DOCK4: variants seen among roughly 807,000 people sequenced by gnomAD.
The protein encoded by DOCK4 is dedicator of cytokinesis protein 4.
DOCK4 carries 97 observed loss-of-function variants against 268.1 expected under a neutral mutation model. That is an observed-to-expected ratio of 0.36 (90% CI 0.31 to 0.43). The LOEUF is 0.43. DOCK4 is among the 20% of genes least tolerant of loss of function. The pLI, the probability that DOCK4 is intolerant of heterozygous loss-of-function variation, is 1.00. For synonymous variants in DOCK4, 954 were observed against 887.2 expected, an observed-to-expected ratio of 1.08 and a Z score of -1.34; for missense variants, 2,145 against 2,455.7, an observed-to-expected ratio of 0.87 and a Z score of 2.67.
At chr7:111,969,430 T>C (rs73717921) in intron 8 of DOCK4, among the ~76,000 whole-genome samples, 39,287 of 145,834 alleles carry the variant, frequency 0.27, 6,633 homozygotes, top group African/African-American at 0.49. Context: ...TCATTTTTTC[T>C]ATTAAAAAAA....
Position 111,808,877 on chromosome 7 carries a change from T to C in DOCK4, c.3110A>G (p.Tyr1037Cys). ...ACCCATTGTTACCCGCATGTCACCA[T>C]ACCTGAAATAGAACAAAAAACCAAA... ...PSKKKKVLEK[Y>C]GDMRVTMGCE... Residue 1037 changes from tyrosine to cysteine, a missense_variant and splice_region_variant, in exon 30 of 53, where the codon TAT becomes TGT. Physicochemically the swap from Tyr to Cys is radical, Grantham distance 194 (BLOSUM62 -2). This residue lies in a region of DOCK4 where 1,598 missense variants were observed against 1,986.7 expected (regional missense o/e 0.80). Coordinates refer to ENST00000428084, the MANE Select transcript of DOCK4 (RefSeq NM_001363540.2). 6.2e-7 allele frequency: 1 copy of C among 1,612,862 alleles called. No individual in the cohort carries two copies. Among genetic ancestry groups the C allele is most frequent in the Non-Finnish European group, 8.5e-7 (1 of 1,179,466 alleles).
At chr7:111,961,533 C>T (rs6975653) in intron 8 of DOCK4, among the ~76,000 whole-genome samples, 43,616 of 152,114 alleles carry the variant, frequency 0.29, 7,738 homozygotes, top group African/African-American at 0.51. Context: ...TTAGAATTTC[C>T]AGGAAGGTGG....
chr7:111,758,019 C>T (rs1585892964), intron 41 of DOCK4, among the ~76,000 whole-genome samples: 1 of 152,008 alleles, frequency 6.6e-6, no homozygotes, highest in Non-Finnish European at 1.5e-5. Context: ...AGTAGGAAGG[C>T]GTGTTGGAAC....
chr7:111,935,646 CTCT>C lies in DOCK4; in HGVS notation c.978-21_978-19del. On this transcript the variant is annotated intron_variant, in intron 11 of 52. Coordinates refer to ENST00000428084, the MANE Select transcript of DOCK4 (RefSeq NM_001363540.2). ...TGTTACACCTATGAAAACATTAACA[CTCT>C]GTTAAGCTTTAATGATGCATGCAGT... The C allele has an allele frequency of 6.2e-7, 1 of 1,600,810 alleles. No individual in the cohort carries two copies. Among genetic ancestry groups the C allele is most frequent in the Non-Finnish European group, 8.6e-7 (1 of 1,168,368 alleles).
intron 1 of DOCK4, among the ~76,000 whole-genome samples, chr7:112,167,538 T>C (rs750148564): frequency 2.6e-4 from 40 of 152,334 alleles, no homozygotes; most frequent in Non-Finnish European, 5.1e-4. Flanking sequence ...CCTATTACTT[T>C]AAAATGCTCA....
Position 111,728,436 on chromosome 7 carries a change from G to A in DOCK4, c.5766C>T (p.Pro1922=), listed in dbSNP as rs568307094. 4 of 1,592,998 alleles carry A rather than the reference G, an allele frequency of 2.5e-6. No homozygotes were observed. Among genetic ancestry groups the A allele is most frequent in the African/African-American group, 1.3e-5 (1 of 74,722 alleles). The stretch of plus-strand genomic sequence containing the variant: ...TGGAGAGGCTGTGAGGTAGCGGGAC[G>A]GGGCGCCGCAGAGTCCGCTCGTAGA... The part of the protein sequence containing the change: ...YSVYERTLRR[P]VPLPHSLSIP... The change falls in exon 53 of 53, where the codon CCC becomes CCT. Residue 1922 remains proline (P), a synonymous_variant. Coordinates refer to ENST00000428084, the MANE Select transcript of DOCK4 (RefSeq NM_001363540.2).
intron 15 of DOCK4, among the ~76,000 whole-genome samples, chr7:111,898,080 C>A: frequency 6.6e-6 from 1 of 152,310 alleles, no homozygotes; most frequent in African/African-American, 2.4e-5. Context: ...AATCTATTAT[C>A]CCATACAGTA....
chr7:112,147,724 C>G (rs991684721), intron 1 of DOCK4, among the ~76,000 whole-genome samples: 2 of 148,690 alleles, frequency 1.3e-5, no homozygotes, highest in African/African-American at 4.9e-5. Flanking sequence ...GTACTGAATT[C>G]AAGTAATTGA....
At chr7:111,951,826 T>C (rs909298640) in intron 8 of DOCK4, among the ~76,000 whole-genome samples, 3 of 151,916 alleles carry the variant, frequency 2.0e-5, no homozygotes, top group Non-Finnish European at 1.5e-5. Context: ...ATCGCACCAC[T>C]GTACTCCAGT....
At chr7:111,930,333 G>C (rs1261347372) in intron 12 of DOCK4, among the ~76,000 whole-genome samples, 1 of 152,056 alleles carries the variant, frequency 6.6e-6, no homozygotes, top group East Asian at 1.9e-4. Flanking sequence ...TAGGTTAGAG[G>C]GGAAAAAAGC....
intron 28 of DOCK4, among the ~76,000 whole-genome samples, chr7:111,810,187 C>G (rs1297400635): frequency 6.6e-6 from 1 of 152,182 alleles, no homozygotes; most frequent in African/African-American, 2.4e-5. Context: ...GGTGCGGTGG[C>G]TCATGCCTGT....
intron 1 of DOCK4, among the ~76,000 whole-genome samples, chr7:112,196,647 G>A (rs1039385299): frequency 2.0e-5 from 3 of 152,148 alleles, no homozygotes; most frequent in Admixed American, 1.3e-4. Flanking sequence ...GTGACAGAGA[G>A]TGGGGAAGGG....
chr7:112,085,472 G>A (rs1000088117), intron 1 of DOCK4, among the ~76,000 whole-genome samples: 5 of 151,934 alleles, frequency 3.3e-5, no homozygotes, highest in Admixed American at 1.3e-4. Flanking sequence ...CATTACTGCC[G>A]GTTGCCAGGG....
chr7:111,994,369 TAA>T, intron 4 of DOCK4, 138 bp from the exon 5 acceptor site: 1 of 531,278 alleles, frequency 1.9e-6, no homozygotes, highest in Non-Finnish European at 3.3e-6. Context: ...GATCTGGTTA[TAA>T]GTTAATGTGA....
At chr7:112,176,879 A>T (rs1818574019) in intron 1 of DOCK4, among the ~76,000 whole-genome samples, 1 of 152,232 alleles carries the variant, frequency 6.6e-6, no homozygotes, top group Non-Finnish European at 1.5e-5. Context: ...TTTTAATGAC[A>T]TCATTGCACA....
chr7:111,727,900 A>G lies in DOCK4; in HGVS notation c.*374T>C, dbSNP rs1481862604. The G allele has an allele frequency of 5.9e-6, 1 of 169,626 alleles. No individual in the cohort carries two copies. The highest frequency in any genetic ancestry group is 1.2e-5 in the Non-Finnish European group (1 of 80,286). 10.5% of individuals were successfully genotyped at this position (169,626 alleles called of 1,614,324 possible). A position where few individuals can be genotyped will look rare whatever the true frequency, so the allele number is the denominator to read the frequency against. On this transcript the variant is annotated 3_prime_UTR_variant, in exon 53 of 53. Transcript: ENST00000428084. Reference sequence around the variant, plus strand: ...TGCACTGACTTAATAAGCTTTCTCCAAGTATCAAGTATTCAGTAAAAACGA... The same window carrying G: ...TGCACTGACTTAATAAGCTTTCTCCGAGTATCAAGTATTCAGTAAAAACGA...
Position 111,741,607 on chromosome 7 carries a change from G to A in DOCK4, c.4852C>T (p.Arg1618Cys), listed in dbSNP as rs770974755. The A allele has an allele frequency of 1.9e-6, 3 of 1,613,516 alleles. No homozygotes were observed. Among genetic ancestry groups the A allele is most frequent in the South Asian group, 1.1e-5 (1 of 90,954 alleles). The change falls in exon 46 of 53, where the codon CGT (arginine) becomes TGT (cysteine). Residue 1618 changes from arginine to cysteine, a missense_variant. Arg to Cys is a radical substitution (Grantham distance 180, BLOSUM62 -3). This residue lies in a region of DOCK4 where 547 missense variants were observed against 469.0 expected (regional missense o/e 1.17). Transcript: ENST00000428084. ...SPVHFPNGSP[R>C]VCRNSAPASV... ...GCAGGTGCTGAGTTTCTACACACAC[G>A]AGGGCTTCCATTAGGAAAATGGACA...
At chr7:111,752,008 G>A (rs1004726274) in intron 42 of DOCK4, among the ~76,000 whole-genome samples, 1 of 152,158 alleles carries the variant, frequency 6.6e-6, no homozygotes, top group Non-Finnish European at 1.5e-5. Flanking sequence ...TTGGTAAAGT[G>A]TGGAATGAAC....
chr7:112,134,217 AATAGC>A (rs1295227728), intron 1 of DOCK4, among the ~76,000 whole-genome samples: 3 of 152,160 alleles, frequency 2.0e-5, no homozygotes, highest in Non-Finnish European at 4.4e-5. Flanking sequence ...CTTTCACTAC[AATAGC>A]AACACTCTTC....
Sources: gnomAD v4.1 joint callset for allele counts (sites outside exome capture counted in the v4.1 genomes callset) on GRCh38, gnomAD v4.1.1 for gene constraint, gnomAD v4.1.1 regional missense constraint, MANE v1.5 for transcripts, NCBI Gene and HGNC (gene_info 2026-07-23, HGNC 2026-07-21) for gene names.